Variants in DLGAP2 observed in about 807,000 individuals in gnomAD.
DLGAP2 encodes the protein disks large-associated protein 2.
In DLGAP2, 26 loss-of-function variants were observed where a neutral mutation model predicts 100.3. The ratio of observed to expected loss-of-function variants is 0.26; its 90% CI spans 0.19 to 0.36. The LOEUF is 0.36. Ranked by LOEUF, DLGAP2 falls within the 10% of genes least tolerant of loss-of-function variation. DLGAP2 has a pLI of 1.00. For missense variants in DLGAP2, 1,858 were observed against 1,453.2 expected (o/e 1.28, Z -4.53); for synonymous variants, 886 against 630.1 (o/e 1.41, Z -6.08).
At chr8:1,604,895 C>T (rs1408799936) in intron 6 of DLGAP2, among the ~76,000 whole-genome samples, 2 of 152,240 alleles carry the variant, frequency 1.3e-5, no homozygotes, top group East Asian at 1.9e-4. Context: ...ATAGGCCAGC[C>T]GTTAGAATCG....
chr8:1,157,658 A>T (rs1796816765), intron 2 of DLGAP2, among the ~76,000 whole-genome samples: 1 of 152,304 alleles, frequency 6.6e-6, no homozygotes, highest in South Asian at 2.1e-4. Flanking sequence ...TACTGTAGGA[A>T]GATAATTCTA....
intron 3 of DLGAP2, among the ~76,000 whole-genome samples, chr8:1,409,608 A>G (rs1489981405): frequency 1.3e-5 from 2 of 152,150 alleles, no homozygotes; most frequent in African/African-American, 4.8e-5. Context: ...ATGCCCACAG[A>G]GCTGGGAAGA....
intron 2 of DLGAP2, among the ~76,000 whole-genome samples, chr8:1,079,525 C>G (rs893275080): frequency 1.3e-5 from 2 of 152,138 alleles, no homozygotes; most frequent in Admixed American, 1.3e-4. Flanking sequence ...GCCCTATAAG[C>G]TCCCTTATTC....
At chr8:1,644,903 A>G (rs1798004873) in intron 8 of DLGAP2, among the ~76,000 whole-genome samples, 1 of 152,226 alleles carries the variant, frequency 6.6e-6, no homozygotes, top group Non-Finnish European at 1.5e-5. Context: ...TTGAGAAAAA[A>G]ATACTTTTGC....
intron 3 of DLGAP2, among the ~76,000 whole-genome samples, chr8:1,352,222 C>T (rs1408503086): frequency 1.4e-4 from 17 of 119,724 alleles, no homozygotes; most frequent in East Asian, 9.0e-4. Context: ...AAAGGCCGTG[C>T]GGGTCCTGAC....
chr8:1,474,407 G>T (rs1283131159), intron 3 of DLGAP2, among the ~76,000 whole-genome samples: 1 of 152,152 alleles, frequency 6.6e-6, no homozygotes, highest in Non-Finnish European at 1.5e-5. Flanking sequence ...GAGTGGGGTT[G>T]CTGGGTCAAA....
intron 2 of DLGAP2, among the ~76,000 whole-genome samples, chr8:1,147,509 A>G (rs954715175): frequency 2.0e-5 from 3 of 151,374 alleles, no homozygotes; most frequent in East Asian, 3.9e-4. Flanking sequence ...TTTCTCATCA[A>G]GATGATTATG....
At chr8:905,118 T>A (rs1025159275) in intron 1 of DLGAP2, among the ~76,000 whole-genome samples, 2 of 152,036 alleles carry the variant, frequency 1.3e-5, no homozygotes, top group African/African-American at 4.8e-5. Context: ...AAGTCACACG[T>A]GGATTCTACC....
intron 2 of DLGAP2, among the ~76,000 whole-genome samples, chr8:1,212,855 C>A (rs2116791407): frequency 7.0e-6 from 1 of 143,384 alleles, no homozygotes; most frequent in African/African-American, 2.6e-5. Context: ...ATGTACTCAT[C>A]TTCTCAAAAA....
At chr8:919,653 C>T (rs1798667995) in intron 2 of DLGAP2, among the ~76,000 whole-genome samples, 2 of 152,166 alleles carry the variant, frequency 1.3e-5, no homozygotes, top group Admixed American at 6.5e-5. Context: ...TCCGTCCGGC[C>T]GAGAAGCAGC....
chr8:1,483,192 C>T (rs1203968530), intron 3 of DLGAP2, among the ~76,000 whole-genome samples: 2 of 152,114 alleles, frequency 1.3e-5, no homozygotes, highest in Non-Finnish European at 2.9e-5. Context: ...GATGAGAGGC[C>T]CTGAGGGGTC....
At chr8:1,500,775 A>G (rs1303179729) in intron 3 of DLGAP2, among the ~76,000 whole-genome samples, 1 of 152,266 alleles carries the variant, frequency 6.6e-6, no homozygotes, top group Non-Finnish European at 1.5e-5. Context: ...AGATCGAACA[A>G]TGGAAAATCA....
At chr8:1,183,197 G>A (rs1381681247) in intron 2 of DLGAP2, among the ~76,000 whole-genome samples, 1 of 152,174 alleles carries the variant, frequency 6.6e-6, no homozygotes, top group Non-Finnish European at 1.5e-5. Context: ...GGAGCCGAGA[G>A]GGCGTCTCGG....
chr8:824,073 T>C (rs1445077819), intron 1 of DLGAP2, among the ~76,000 whole-genome samples: 4 of 151,492 alleles, frequency 2.6e-5, no homozygotes, highest in Non-Finnish European at 5.9e-5. Context: ...TCCTCTTCCT[T>C]TTTCCTTCTT....
At chr8:1,124,659 C>G (rs1006760399) in intron 2 of DLGAP2, among the ~76,000 whole-genome samples, 3 of 152,210 alleles carry the variant, frequency 2.0e-5, no homozygotes, top group African/African-American at 7.2e-5. Flanking sequence ...TGCATTTTAG[C>G]TAATCTGTGT....
At chr8:813,056 G>A (rs1367050782) in intron 1 of DLGAP2, among the ~76,000 whole-genome samples, 1 of 152,142 alleles carries the variant, frequency 6.6e-6, no homozygotes, top group Non-Finnish European at 1.5e-5. Context: ...ACCCCGGTAT[G>A]CTTTGCTATA....
intron 2 of DLGAP2, among the ~76,000 whole-genome samples, chr8:1,080,180 T>C (rs1185741699): frequency 6.6e-6 from 1 of 152,212 alleles, no homozygotes; most frequent in Admixed American, 6.5e-5. Context: ...ACATTAGAAC[T>C]ACTTGCATTT....
At chr8:1,653,198 C>T in intron 8 of DLGAP2, among the ~76,000 whole-genome samples, 1 of 151,996 alleles carries the variant, frequency 6.6e-6, no homozygotes, top group East Asian at 1.9e-4. Context: ...AGCCGACAAT[C>T]CTCACCACGC....
chr8:1,345,089 G>C (rs146401523), intron 3 of DLGAP2, among the ~76,000 whole-genome samples: 2 of 152,162 alleles, frequency 1.3e-5, no homozygotes, highest in African/African-American at 2.4e-5. Flanking sequence ...TTCATGACTC[G>C]GGAACAATTA....
Sources: allele counts gnomAD v4.1 joint callset (sites outside exome capture counted in the v4.1 genomes callset), GRCh38; gene constraint gnomAD v4.1.1; transcripts MANE v1.5; gene names NCBI Gene and HGNC (gene_info 2026-07-23, HGNC 2026-07-21).